Variants in KIF13A observed in about 807,000 individuals in gnomAD.
KIF13A encodes the protein kinesin family member 13A, also known as kinesin-like protein KIF13A.
A neutral mutation model predicts 212.2 loss-of-function variants in KIF13A; 79 were observed. The observed-to-expected ratio is 0.37, with a 90% CI of 0.31 to 0.45. The LOEUF (loss-of-function observed/expected upper bound fraction) is 0.45, where lower values mean the gene tolerates loss of function less well. Among genes scored for constraint, KIF13A ranks in the 20% least tolerant of loss-of-function variants. The pLI, the probability that KIF13A is intolerant of heterozygous loss-of-function variation, is 1.00. For synonymous variants in KIF13A, 789 were observed against 808.6 expected, an observed-to-expected ratio of 0.98 and a Z score of 0.41; for missense variants, 1,901 against 2,209.0, an observed-to-expected ratio of 0.86 and a Z score of 2.79.
intron 16 of KIF13A, chr6:17,821,688 A>T (rs1764466096): frequency 1.5e-6 from 2 of 1,307,624 alleles, no homozygotes; most frequent in Non-Finnish European, 2.1e-6. Context: ...CAATCATGTT[A>T]GTTAGATTTT....
intron 2 of KIF13A, among the ~76,000 whole-genome samples, chr6:17,942,863 C>T (rs1007893371): frequency 3.3e-5 from 5 of 152,088 alleles, no homozygotes; most frequent in Admixed American, 3.3e-4. Flanking sequence ...CCTGTAATCC[C>T]AGCTACTCGG....
chr6:17,874,368 G>A (rs1770309071), intron 3 of KIF13A, among the ~76,000 whole-genome samples: 2 of 151,384 alleles, frequency 1.3e-5, no homozygotes, highest in African/African-American at 4.9e-5. Context: ...AACTTTACAT[G>A]TTTAGCAATT....
rs1477344084 is a variant in KIF13A, at chr6:17,855,334, T to A, written c.494+103A>T. ...TGTAAATGAATGAAAACCAGTGTAG[T>A]CACCAAGAGCTTAAATACGTATATT... On this transcript the variant is annotated intron_variant, in intron 6 of 38. Coordinates refer to ENST00000259711, the MANE Select transcript of KIF13A (RefSeq NM_022113.6). This position sits in a 1 kb window ranked among gnomAD's most constrained non-coding sequence, Gnocchi z 4.1. The A allele has an allele frequency of 8.1e-6, 7 of 859,068 alleles. No individual in the cohort carries two copies. The highest frequency in any genetic ancestry group is 8.9e-6 in the Non-Finnish European group (5 of 562,002). The allele number at this position is 859,068 out of a possible 1,614,324, so 53.2% of individuals were successfully genotyped here.
chr6:17,874,165 C>T (rs1770275204), intron 3 of KIF13A, among the ~76,000 whole-genome samples: 1 of 152,084 alleles, frequency 6.6e-6, no homozygotes, highest in Non-Finnish European at 1.5e-5. Flanking sequence ...CCTAGCTTTC[C>T]ATGATATCAT....
intron 33 of KIF13A, among the ~76,000 whole-genome samples, chr6:17,778,113 G>C (rs576234459): frequency 6.6e-6 from 1 of 152,268 alleles, no homozygotes; most frequent in East Asian, 1.9e-4. Context: ...ACTCCAGCCT[G>C]AGCGACAGAG....
intron 2 of KIF13A, among the ~76,000 whole-genome samples, chr6:17,976,697 A>C (rs1050540384): frequency 2.0e-5 from 3 of 151,796 alleles, no homozygotes; most frequent in Admixed American, 1.3e-4. Context: ...CAGGCAGAGG[A>C]GGCGCCGAGA....
intron 2 of KIF13A, among the ~76,000 whole-genome samples, chr6:17,902,236 G>T (rs962068666): frequency 1.2e-4 from 19 of 152,110 alleles, no homozygotes; most frequent in Non-Finnish European, 2.2e-4. Context: ...TTGCCTAAAG[G>T]TGTGTTTATT....
Position 17,771,139 on chromosome 6 carries a change from T to C in KIF13A, c.4556A>G (p.His1519Arg). ...AATCTTCTTCTCACGTTTGCTATTGTGTTCTACTGGCATGCTGCTGCCATT... is the reference window on the plus strand; with the variant it reads ...AATCTTCTTCTCACGTTTGCTATTGCGTTCTACTGGCATGCTGCTGCCATT... ...GSNGSSMPVE[H>R]NSKREKKIDS... Residue 1519 changes from histidine (H) to arginine (R), a missense_variant, in exon 38 of 39, where the codon CAC becomes CGC. Physicochemically the swap from His to Arg is conservative, Grantham distance 29. Around this residue, in one of 5 missense-constraint regions of KIF13A, gnomAD observed 687 missense variants for 759.1 expected, o/e 0.90. Coordinates refer to ENST00000259711, the MANE Select transcript of KIF13A (RefSeq NM_022113.6). This position sits in a 1 kb window ranked among gnomAD's most constrained non-coding sequence, Gnocchi z 5.4. The C allele has an allele frequency of 6.2e-7, 1 of 1,612,894 alleles. No individual in the cohort carries two copies. The highest frequency in any genetic ancestry group is 8.5e-7 in the Non-Finnish European group (1 of 1,179,234).
At chr6:17,852,629 G>A (rs949636865) in intron 6 of KIF13A, among the ~76,000 whole-genome samples, 1 of 152,114 alleles carries the variant, frequency 6.6e-6, no homozygotes, top group South Asian at 2.1e-4. Flanking sequence ...TTCTGCCCAA[G>A]CTGGTCCTGA....
Position 17,987,426 on chromosome 6 carries a change from C to A in KIF13A, c.38G>T (p.Arg13Leu). The change falls in exon 1 of 39, where the codon CGG becomes CTG. Residue 13 changes from arginine to leucine, a missense_variant. Around this residue, in one of 5 missense-constraint regions of KIF13A, gnomAD observed 506 missense variants for 637.4 expected, o/e 0.79. Transcript: ENST00000259711. This position sits in a 1 kb window ranked among gnomAD's most constrained non-coding sequence, Gnocchi z 7.7. ...DTKVKVAVRVRPMNRRELELN... is the reference protein window; with the variant it reads ...DTKVKVAVRVLPMNRRELELN... ...CTCCTCACCTCGTCGGTTCATGGGC[C>A]GGACCCGGACGGCAACTTTTACCTT... 1 of 1,353,478 alleles carries A rather than the reference C, an allele frequency of 7.4e-7. No individual in the cohort carries two copies. The highest frequency in any genetic ancestry group is 9.8e-7 in the Non-Finnish European group (1 of 1,022,628). The allele number at this position is 1,353,478 out of a possible 1,614,324, so 83.8% of individuals were successfully genotyped here. A position where few individuals can be genotyped will look rare whatever the true frequency, so the allele number is the denominator to read the frequency against.
rs560092822 is a variant in KIF13A, at chr6:17,825,026, G to A, written c.1786+742C>T. ...AAATGTCATCTTGTGGTTGGTAACA[G>A]GTGAACATTGCTTCTGGCTTCTAAG... On this transcript the variant is annotated intron_variant, in intron 16 of 38. Coordinates refer to ENST00000259711, the MANE Select transcript of KIF13A (RefSeq NM_022113.6). The surrounding 1 kb of genome is among the most constrained non-coding windows in gnomAD (Gnocchi z 4.5). Among the ~76,000 whole-genome samples, 3 of 152,258 alleles carry A rather than the reference G, an allele frequency of 2.0e-5. No homozygotes were observed. Among genetic ancestry groups the A allele is most frequent in the Non-Finnish European group, 4.4e-5 (3 of 68,014 alleles).
intron 6 of KIF13A, among the ~76,000 whole-genome samples, chr6:17,854,543 ATAATTT>A (rs1562059219): frequency 3.0e-5 from 4 of 131,568 alleles, no homozygotes; most frequent in African/African-American, 8.6e-5. Context: ...TTAAATCAGT[ATAATTT>A]TTTTTTTTTT....
rs371736311 is a variant in KIF13A at position 17,864,569 on chromosome 6, G to A, written c.221-8447C>T. The stretch of plus-strand genomic sequence containing the variant: ...AGTGGTGTGATTATAGCTCACTACA[G>A]CCTCTAACTCCTCGAGGTTCAAGGA... On this transcript the variant is annotated intron_variant, in intron 4 of 38. Coordinates refer to ENST00000259711, the MANE Select transcript of KIF13A (RefSeq NM_022113.6). Among the ~76,000 whole-genome samples, 53 of 152,282 alleles carry A rather than the reference G, an allele frequency of 3.5e-4. No homozygotes were observed. The South Asian group carries it at 5.2e-3, about 15-fold the overall frequency.
intron 2 of KIF13A, among the ~76,000 whole-genome samples, chr6:17,943,211 A>AT (rs1419907869): frequency 6.6e-6 from 1 of 152,052 alleles, no homozygotes; most frequent in African/African-American, 2.4e-5. Flanking sequence ...TGCATTATGA[A>AT]TTTTCAATGT....
intron 2 of KIF13A, chr6:17,953,768 C>A: frequency 1.0e-5 from 2 of 190,954 alleles, no homozygotes; most frequent in South Asian, 2.0e-4. Flanking sequence ...CCAAATCAAC[C>A]TAATTAAGGC....
chr6:17,868,460 TAC>T (rs1469250369), intron 4 of KIF13A, among the ~76,000 whole-genome samples: 2 of 152,174 alleles, frequency 1.3e-5, no homozygotes, highest in African/African-American at 4.8e-5. Flanking sequence ...TGGATCTGTG[TAC>T]ATCTGCATGT....
At position 17,837,337 on chromosome 6, in the gene KIF13A, G is replaced by T; in HGVS notation, c.942+135C>A. Reference sequence around the variant, plus strand: ...AGGAGTAGAAAATAGTTTTCATTCTGTGTTCCTAGGAATTAGAATAACTGT... The same window carrying T: ...AGGAGTAGAAAATAGTTTTCATTCTTTGTTCCTAGGAATTAGAATAACTGT... On this transcript the variant is annotated intron_variant, in intron 10 of 38. Coordinates refer to ENST00000259711, the MANE Select transcript of KIF13A (RefSeq NM_022113.6). This position sits in a 1 kb window ranked among gnomAD's most constrained non-coding sequence, Gnocchi z 5.4. The T allele has an allele frequency of 2.9e-6, 2 of 696,184 alleles. No homozygotes were observed. Among genetic ancestry groups the T allele is most frequent in the East Asian group, 5.4e-5 (2 of 36,864 alleles). The allele number at this position is 696,184 out of a possible 1,614,324, so 43.1% of individuals were successfully genotyped here.
chr6:17,928,025 T>C (rs1325431790), intron 2 of KIF13A, among the ~76,000 whole-genome samples: 1 of 152,210 alleles, frequency 6.6e-6, no homozygotes, highest in Non-Finnish European at 1.5e-5. Context: ...CTGTCCTGTA[T>C]ACTGTGCAAA....
chr6:17,975,216 G>A (rs1780229558), intron 2 of KIF13A, among the ~76,000 whole-genome samples: 1 of 152,144 alleles, frequency 6.6e-6, no homozygotes, highest in Non-Finnish European at 1.5e-5. Context: ...TAGCAGGCGG[G>A]GTGGCAGGTT....
Sources: gnomAD v4.1 joint callset for allele counts (sites outside exome capture counted in the v4.1 genomes callset) on GRCh38, gnomAD v4.1.1 for gene constraint, gnomAD v4.1.1 regional missense constraint, Gnocchi (gnomAD v3.1) non-coding constraint, MANE v1.5 for transcripts, NCBI Gene and HGNC (gene_info 2026-07-23, HGNC 2026-07-21) for gene names.